OPA1: variants seen among roughly 807,000 people sequenced by gnomAD.
The protein encoded by OPA1 is OPA1 mitochondrial dynamin like GTPase.
In OPA1, 59 loss-of-function variants were observed where a neutral mutation model predicts 152.9. The ratio of observed to expected loss-of-function variants is 0.39; its 90% CI spans 0.31 to 0.48. The LOEUF is 0.48. Ranked by LOEUF, OPA1 falls within the 20% of genes least tolerant of loss-of-function variation. OPA1 has a pLI of 0.96. For missense variants in OPA1, 1,008 were observed against 1,216.8 expected (o/e 0.83, Z 2.55); for synonymous variants, 400 against 389.9 (o/e 1.03, Z -0.31).
In OPA1 at chr3:193,645,578, T is replaced by G. The variant is rs1243027291; in HGVS notation, c.1634T>G (p.Leu545Arg). ...SRIQQIIEGKLFPMKALGYFA... is the reference protein window; with the variant it reads ...SRIQQIIEGKRFPMKALGYFA... ...ATTCAGCAGATAATTGAAGGAAAGC[T>G]CTTCCCAATGAAAGCTTTAGGTTAT... Residue 545 changes from leucine (L) to arginine (R), a missense_variant, in exon 17 of 31, where the codon CTC becomes CGC. Physicochemically the swap from Leu to Arg is moderately radical, Grantham distance 102. This residue lies in a region of OPA1 where 213 missense variants were observed against 291.4 expected (regional missense o/e 0.73). Coordinates refer to ENST00000361510, the MANE Select transcript of OPA1 (RefSeq NM_130837.3). 6.2e-7 allele frequency: 1 copy of G among 1,613,074 alleles called. No individual in the cohort carries two copies. The highest frequency in any genetic ancestry group is 1.7e-5 in the Admixed American group (1 of 59,988).
chr3:193,593,455 G>A (rs1724965130), intron 1 of OPA1, 46 bp downstream of exon 1: 3 of 1,496,540 alleles, frequency 2.0e-6, no homozygotes, highest in Non-Finnish European at 2.7e-6. Context: ...GGGGCCTCTT[G>A]AGAGTGGGGC....
intron 8 of OPA1, among the ~76,000 whole-genome samples, chr3:193,632,590 T>C (rs993730490): frequency 1.3e-5 from 2 of 152,182 alleles, no homozygotes; most frequent in Non-Finnish European, 2.9e-5. Context: ...TACTATCAGC[T>C]GGGCATGGTG....
At chr3:193,644,227 A>G in intron 16 of OPA1, 122 bp downstream of exon 16, 1 of 1,192,188 alleles carries the variant, frequency 8.4e-7, no homozygotes, top group Non-Finnish European at 1.2e-6. Context: ...AAGATTTATT[A>G]CAATGAAAGG....
intron 2 of OPA1, among the ~76,000 whole-genome samples, chr3:193,615,246 G>C (rs926460230): frequency 6.6e-6 from 1 of 152,022 alleles, no homozygotes; most frequent in Non-Finnish European, 1.5e-5. Context: ...AAATGGCCTA[G>C]TGGAAGGAGC....
chr3:193,621,363 A>G (rs1156679787), intron 6 of OPA1, among the ~76,000 whole-genome samples: 1 of 152,256 alleles, frequency 6.6e-6, no homozygotes, highest in Admixed American at 6.5e-5. Context: ...TCAGTCAGAC[A>G]GAATAAACAT....
Position 193,617,853 on chromosome 3 carries a change from T to TA in OPA1, c.610+16_610+17insA, listed in dbSNP as rs1729312080. 6.2e-7 allele frequency: 1 copy of TA among 1,600,690 alleles called. No individual in the cohort carries two copies. Among genetic ancestry groups the TA allele is most frequent in the African/African-American group, 1.3e-5 (1 of 74,636 alleles). On this transcript the variant is annotated intron_variant, in intron 5 of 30. Coordinates refer to ENST00000361510, the MANE Select transcript of OPA1 (RefSeq NM_130837.3). ...CTCTTGTTAGGTGTGTAAACAGACA[T>TA]TTTTGCTGACCTTAACATGCCTTTT...
chr3:193,614,559 C>T (rs910984243), intron 1 of OPA1, among the ~76,000 whole-genome samples, 164 bp from the exon 2 acceptor site: 3 of 152,190 alleles, frequency 2.0e-5, no homozygotes, highest in African/African-American at 7.2e-5. Context: ...ATACTGTAAC[C>T]ATGTCTGGCA....
chr3:193,696,903 C>T lies in OPA1; in HGVS notation c.*2303C>T, dbSNP rs2109484453. The T allele has an allele frequency of 1.3e-5, 2 of 152,328 alleles. No individual in the cohort carries two copies. Among genetic ancestry groups the T allele is most frequent in the Non-Finnish European group, 2.9e-5 (2 of 68,036 alleles). 9.4% of individuals were successfully genotyped at this position (152,328 alleles called of 1,614,324 possible). ...GAAATAAGTGGCCCTTGCAGCTTCCCCGTTTAACCCACTGTGCTATAGTTG... is the reference window on the plus strand; with the variant it reads ...GAAATAAGTGGCCCTTGCAGCTTCCTCGTTTAACCCACTGTGCTATAGTTG... On this transcript the variant is annotated 3_prime_UTR_variant, in exon 31 of 31. Coordinates refer to ENST00000361510, the MANE Select transcript of OPA1 (RefSeq NM_130837.3).
At chr3:193,609,239 T>A (rs1176739782) in intron 1 of OPA1, among the ~76,000 whole-genome samples, 1 of 152,164 alleles carries the variant, frequency 6.6e-6, no homozygotes, top group Non-Finnish European at 1.5e-5. Flanking sequence ...AATTTGATCC[T>A]GTCATTCTCT....
At chr3:193,691,947 C>T in intron 29 of OPA1, 116 bp from the exon 30 acceptor site, 1 of 651,652 alleles carries the variant, frequency 1.5e-6, no homozygotes, top group East Asian at 2.8e-5. Flanking sequence ...TGGTGAGACT[C>T]ATATTTTTCT....
At chr3:193,617,692 C>G in intron 4 of OPA1, 92 bp from the exon 5 acceptor site, 6 of 931,494 alleles carry the variant, frequency 6.4e-6, no homozygotes, top group African/African-American at 1.6e-5. Context: ...ATTGCCCTAT[C>G]GTAATATGAA....
At chr3:193,594,718 CA>C (rs1384909697) in intron 1 of OPA1, among the ~76,000 whole-genome samples, 12 of 152,056 alleles carry the variant, frequency 7.9e-5, no homozygotes, top group Admixed American at 7.9e-4. Flanking sequence ...AACTGGAGTC[CA>C]AAATACAGAA....
chr3:193,599,546 G>A (rs574214923), intron 1 of OPA1, among the ~76,000 whole-genome samples: 4 of 152,188 alleles, frequency 2.6e-5, no homozygotes, highest in African/African-American at 9.6e-5. Context: ...GTGGCAGGGA[G>A]TCCAAAATGT....
At chr3:193,594,294 A>T (rs1560298473) in intron 1 of OPA1, among the ~76,000 whole-genome samples, 1 of 152,254 alleles carries the variant, frequency 6.6e-6, no homozygotes, top group Non-Finnish European at 1.5e-5. Flanking sequence ...TTCCTGAATT[A>T]ACTTCTAAGC....
chr3:193,684,025 A>G (rs2109411050), intron 29 of OPA1, among the ~76,000 whole-genome samples: 1 of 152,290 alleles, frequency 6.6e-6, no homozygotes, highest in African/African-American at 2.4e-5. Flanking sequence ...TCATTCCATC[A>G]TTCATGGTGG....
intron 1 of OPA1, among the ~76,000 whole-genome samples, chr3:193,609,587 C>G (rs1393296048): frequency 1.3e-5 from 2 of 152,150 alleles, no homozygotes. Flanking sequence ...GTTGGCCTGC[C>G]TTGCTAGATT....
intron 18 of OPA1, 106 bp downstream of exon 18, chr3:193,645,906 G>T: frequency 1.1e-6 from 1 of 924,870 alleles, no homozygotes; most frequent in Non-Finnish European, 1.7e-6. Flanking sequence ...GTTTAACATC[G>T]GATTTCTAGA....
At chr3:193,688,900 C>A (rs1577403922) in intron 29 of OPA1, among the ~76,000 whole-genome samples, 1 of 152,080 alleles carries the variant, frequency 6.6e-6, no homozygotes, top group African/African-American at 2.4e-5. Flanking sequence ...GTAGGAGAAT[C>A]GCTTGAGCCT....
intron 22 of OPA1, 87 bp downstream of exon 22, chr3:193,655,114 C>T: frequency 8.2e-7 from 1 of 1,220,092 alleles, no homozygotes; most frequent in Non-Finnish European, 1.2e-6. Flanking sequence ...CCCATCACAG[C>T]CTCTATCTTT....
Sources: allele counts gnomAD v4.1 joint callset (sites outside exome capture counted in the v4.1 genomes callset), GRCh38; gene constraint gnomAD v4.1.1; regional missense constraint gnomAD v4.1.1; transcripts MANE v1.5; gene names NCBI Gene and HGNC (gene_info 2026-07-23, HGNC 2026-07-21).